Variants in MSH3 observed in about 807,000 individuals in gnomAD.
MSH3 encodes the protein mutS homolog 3.
In MSH3, 106 loss-of-function variants were observed where a neutral mutation model predicts 123.3. That is an observed-to-expected ratio of 0.86 (90% CI 0.73 to 1.01). MSH3 has a LOEUF of 1.01. Ranked by LOEUF, MSH3 falls within the 50% of genes least tolerant of loss-of-function variation. The pLI, the probability that MSH3 is intolerant of heterozygous loss-of-function variation, is 0.00. For missense variants in MSH3, 1,459 were observed against 1,347.6 expected (o/e 1.08, Z -1.29); for synonymous variants, 515 against 481.4 (o/e 1.07, Z -0.91).
At chr5:80,806,314 C>T (rs923794155) in intron 19 of MSH3, among the ~76,000 whole-genome samples, 1 of 152,164 alleles carries the variant, frequency 6.6e-6, no homozygotes, top group African/African-American at 2.4e-5. Flanking sequence ...ATAGGCTGCT[C>T]TCGAACTCCT....
chr5:80,843,455 A>T, intron 20 of MSH3, among the ~76,000 whole-genome samples: 1 of 152,156 alleles, frequency 6.6e-6, no homozygotes, highest in Admixed American at 6.5e-5. Context: ...TTCTCTGTTG[A>T]TTGGAATAGT....
chr5:80,709,209 A>ATGTGTGTGTGTG (rs139977038), intron 8 of MSH3, among the ~76,000 whole-genome samples: 23 of 147,000 alleles, frequency 1.6e-4, no homozygotes, highest in African/African-American at 3.5e-4. Context: ...TAAAATAGAT[A>ATGTGTGTGTGTG]TGTGTGTGTG....
intron 7 of MSH3, among the ~76,000 whole-genome samples, chr5:80,677,469 T>C (rs1749867946): frequency 6.6e-6 from 1 of 152,218 alleles, no homozygotes; most frequent in Admixed American, 6.5e-5. Flanking sequence ...TTTTTGTAAA[T>C]GCTTGGTTTG....
At chr5:80,809,774 T>A (rs1359638606) in intron 19 of MSH3, among the ~76,000 whole-genome samples, 1 of 152,182 alleles carries the variant, frequency 6.6e-6, no homozygotes, top group Non-Finnish European at 1.5e-5. Flanking sequence ...GTATGTAATG[T>A]TCTGAAGTCC....
chr5:80,680,090 TAA>T (rs74530796), intron 8 of MSH3, among the ~76,000 whole-genome samples: 1 of 143,294 alleles, frequency 7.0e-6, no homozygotes. Flanking sequence ...CCGTTTCTAC[TAA>T]AAAAAAAAAA....
chr5:80,760,849 A>G (rs1209576795), intron 12 of MSH3, among the ~76,000 whole-genome samples: 4 of 152,138 alleles, frequency 2.6e-5, no homozygotes, highest in African/African-American at 9.7e-5. Flanking sequence ...TTTATGGGCC[A>G]GGGCTAGAGG....
intron 19 of MSH3, among the ~76,000 whole-genome samples, chr5:80,809,415 T>C (rs567218175): frequency 6.6e-6 from 1 of 152,272 alleles, no homozygotes; most frequent in African/African-American, 2.4e-5. Flanking sequence ...AAAAGCCAAA[T>C]TGAACAATAA....
At chr5:80,770,139 A>G (rs1012171289) in intron 15 of MSH3, among the ~76,000 whole-genome samples, 2 of 152,212 alleles carry the variant, frequency 1.3e-5, no homozygotes, top group African/African-American at 2.4e-5. Context: ...CTATGCAGTC[A>G]TGACCTTGCA....
At chr5:80,717,386 C>T (rs1371313694) in intron 8 of MSH3, among the ~76,000 whole-genome samples, 1 of 152,150 alleles carries the variant, frequency 6.6e-6, no homozygotes, top group African/African-American at 2.4e-5. Flanking sequence ...CCCACCTCAG[C>T]CGCCTGAGTA....
chr5:80,775,216 C>T (rs925320073), intron 15 of MSH3, among the ~76,000 whole-genome samples: 12 of 152,280 alleles, frequency 7.9e-5, no homozygotes, highest in African/African-American at 2.6e-4. Flanking sequence ...TGTGAAGAGA[C>T]TTTTACAGGA....
chr5:80,709,743 A>G (rs915512320), intron 8 of MSH3, among the ~76,000 whole-genome samples: 1 of 152,158 alleles, frequency 6.6e-6, no homozygotes, highest in Non-Finnish European at 1.5e-5. Context: ...GAGGACTGCA[A>G]TTTAAATGAT....
intron 19 of MSH3, among the ~76,000 whole-genome samples, chr5:80,799,791 C>T (rs1744762345): frequency 6.6e-6 from 1 of 151,994 alleles, no homozygotes; most frequent in African/African-American, 2.4e-5. Flanking sequence ...GACTTAGTTG[C>T]TGGGAAAGAT....
intron 22 of MSH3, among the ~76,000 whole-genome samples, chr5:80,870,824 AAAT>A (rs1295760858): frequency 6.6e-6 from 1 of 152,262 alleles, no homozygotes; most frequent in African/African-American, 2.4e-5. Context: ...CTATCAAATG[AAAT>A]AATGATTGAG....
chr5:80,829,476 T>C (rs946307204), intron 20 of MSH3, among the ~76,000 whole-genome samples: 1 of 152,210 alleles, frequency 6.6e-6, no homozygotes, highest in African/African-American at 2.4e-5. Flanking sequence ...ATGCTTTCTA[T>C]GCGTCTGTTG....
chr5:80,676,432 C>G (rs1039761032), intron 7 of MSH3, among the ~76,000 whole-genome samples: 4 of 152,226 alleles, frequency 2.6e-5, no homozygotes, highest in Admixed American at 6.5e-5. Context: ...TAAGGCCCTT[C>G]AGAACAATCA....
chr5:80,716,655 T>C (rs1750967641), intron 8 of MSH3, among the ~76,000 whole-genome samples: 1 of 152,220 alleles, frequency 6.6e-6, no homozygotes, highest in Non-Finnish European at 1.5e-5. Flanking sequence ...TATTTTCATA[T>C]GTGTATACAA....
chr5:80,694,896 A>ATTTTTTTTTTT (rs35665355), intron 8 of MSH3, among the ~76,000 whole-genome samples: 3 of 135,682 alleles, frequency 2.2e-5, no homozygotes, highest in African/African-American at 2.7e-5. Context: ...GCTGTCAAGA[A>ATTTTTTTTTTT]TTTTTTTTTT....
chr5:80,735,141 T>C (rs1743480529), intron 10 of MSH3, among the ~76,000 whole-genome samples: 1 of 152,036 alleles, frequency 6.6e-6, no homozygotes, highest in Non-Finnish European at 1.5e-5. Context: ...CTCAGCACTT[T>C]GGGAGGGTGA....
chr5:80,655,289 T>C (rs1749245136), intron 1 of MSH3: 2 of 260,450 alleles, frequency 7.7e-6, no homozygotes, highest in South Asian at 3.2e-4. Context: ...CCATCCTTTT[T>C]TTTTTTCCTT....
Sources: allele counts gnomAD v4.1 joint callset (sites outside exome capture counted in the v4.1 genomes callset), GRCh38; gene constraint gnomAD v4.1.1; transcripts MANE v1.5; gene names NCBI Gene and HGNC (gene_info 2026-07-23, HGNC 2026-07-21).